CELA2A: variants seen among roughly 807,000 people sequenced by gnomAD.
CELA2A encodes chymotrypsin-like elastase family member 2A.
In CELA2A, 31 loss-of-function variants were observed where a neutral mutation model predicts 35.3. That is an observed-to-expected ratio of 0.88 (90% CI 0.66 to 1.19). The LOEUF is 1.19. Ranked by LOEUF, CELA2A falls within the 50% of genes most tolerant of loss-of-function variation. CELA2A has a pLI of 0.00. For missense variants in CELA2A, 330 were observed against 352.9 expected (o/e 0.94, Z 0.52); for synonymous variants, 150 against 149.8 (o/e 1.00, Z -0.01).
intron 2 of CELA2A, among the ~76,000 whole-genome samples, chr1:15,459,594 G>A (rs973179124): frequency 1.3e-5 from 2 of 152,122 alleles, no homozygotes; most frequent in African/African-American, 2.4e-5. Context: ...CCATAACACC[G>A]GGCGCATTTG....
In CELA2A at chr1:15,456,829, G is replaced by C. The variant is rs202158904; in HGVS notation, c.40+36G>C. The stretch of plus-strand genomic sequence containing the variant: ...TTACCCAGAGGCACTGGTTTCCCAT[G>C]CCCTGGTGGGGCTGGAAATGGGATC... On this transcript the variant is annotated intron_variant, in intron 1 of 7. Transcript: ENST00000359621. 240 of 1,613,716 alleles carry C rather than the reference G, an allele frequency of 1.5e-4. 1 individual carries two copies. In the African/African-American group the frequency reaches 2.2e-3, roughly 15 times the overall value.
chr1:15,463,821 C>T (rs1232698390), intron 5 of CELA2A, among the ~76,000 whole-genome samples: 4 of 151,958 alleles, frequency 2.6e-5, no homozygotes, highest in Non-Finnish European at 2.9e-5. Flanking sequence ...AGGCCCATCC[C>T]GCGGATCACT....
In CELA2A at chr1:15,461,477, C is replaced by A. The variant is rs1321350001; in HGVS notation, c.130-84C>A. On this transcript the variant is annotated intron_variant, in intron 2 of 7. Coordinates refer to ENST00000359621, the MANE Select transcript of CELA2A (RefSeq NM_033440.3). ...CTGCCTCACTCCCCCTTACCCTTGT[C>A]CCAGCCCCGTTCTTGGGAAACTGGA... 5 of 1,483,726 alleles carry A rather than the reference C, an allele frequency of 3.4e-6. No individual in the cohort carries two copies. In the East Asian group the frequency reaches 9.1e-5, roughly 27 times the overall value. The allele number at this position is 1,483,726 out of a possible 1,614,324, so 91.9% of individuals were successfully genotyped here.
intron 2 of CELA2A, among the ~76,000 whole-genome samples, chr1:15,459,955 A>C (rs1156664193): frequency 6.6e-6 from 1 of 152,086 alleles, no homozygotes; most frequent in Non-Finnish European, 1.5e-5. Flanking sequence ...CTCAAAAAAA[A>C]AAAAAAAATA....
chr1:15,458,908 TAAAAAAAAAAAAAAAAAAAAAAAAAAA>T (rs60002826), intron 2 of CELA2A, among the ~76,000 whole-genome samples: 118 of 40,198 alleles, frequency 2.9e-3, no homozygotes, highest in African/African-American at 0.014. Context: ...GTGAGATCCA[TAAAAAAAAAAAAAAAAAAAAAAAAAAA>T]AAAAAAAAAA....
chr1:15,461,279 C>T (rs1444302306), intron 2 of CELA2A, among the ~76,000 whole-genome samples: 1 of 152,204 alleles, frequency 6.6e-6, no homozygotes, highest in Non-Finnish European at 1.5e-5. Flanking sequence ...CCAGGCTGGT[C>T]TCAAACTCCT....
At chr1:15,470,067 G>C (rs1162556503) in intron 7 of CELA2A, among the ~76,000 whole-genome samples, 2 of 152,228 alleles carry the variant, frequency 1.3e-5, no homozygotes, top group Admixed American at 6.5e-5. Flanking sequence ...TCGCAAGGCA[G>C]CTGGGCAGAG....
intron 7 of CELA2A, among the ~76,000 whole-genome samples, chr1:15,470,897 C>T (rs1252469133): frequency 6.6e-6 from 1 of 152,058 alleles, no homozygotes; most frequent in Non-Finnish European, 1.5e-5. Flanking sequence ...TCATTGTTAA[C>T]AGCTTGTGTG....
chr1:15,466,041 T>C lies in CELA2A; in HGVS notation c.536T>C (p.Leu179Pro). Residue 179 changes from leucine to proline, a missense_variant, in exon 6 of 8, where the codon CTG (leucine) becomes CCG (proline). Physicochemically the swap from Leu to Pro is moderately conservative, Grantham distance 98. Coordinates refer to ENST00000359621, the MANE Select transcript of CELA2A (RefSeq NM_033440.3). ...VPDVLQQGRL[L>P]VVDYATCSSS... ...GATGTCCTGCAGCAGGGCCGGTTGC[T>C]GGTTGTGGACTATGCCACCTGCTCC... is the stretch of plus-strand genomic sequence containing the variant. 1 of 1,614,170 alleles carries C rather than the reference T, an allele frequency of 6.2e-7. No individual in the cohort carries two copies. The highest frequency in any genetic ancestry group is 8.5e-7 in the Non-Finnish European group (1 of 1,180,030).
chr1:15,469,878 G>C (rs950831237), intron 7 of CELA2A, among the ~76,000 whole-genome samples: 1 of 152,064 alleles, frequency 6.6e-6, no homozygotes, highest in Non-Finnish European at 1.5e-5. Flanking sequence ...GCTGCTGTGG[G>C]AGTCACCATG....
intron 6 of CELA2A, 109 bp downstream of exon 6, chr1:15,466,253 C>T (rs1406850524): frequency 1.5e-6 from 2 of 1,298,692 alleles, no homozygotes; most frequent in Non-Finnish European, 2.2e-6. Flanking sequence ...GGCAGAATTA[C>T]CCCGAAACAT....
intron 3 of CELA2A, 51 bp from the exon 4 acceptor site, chr1:15,462,682 C>A (rs763858920): frequency 6.2e-7 from 1 of 1,606,684 alleles, no homozygotes; most frequent in African/African-American, 1.3e-5. Flanking sequence ...CAGCATTATC[C>A]AAAGCCAGGC....
rs1570803184 is a variant in CELA2A at position 15,472,069 on chromosome 1, T to C, written c.*62T>C. On this transcript the variant is annotated 3_prime_UTR_variant, in exon 8 of 8. Transcript: ENST00000359621. ...AGGTCACAGAAGGAAAATAATATAA[T>C]AAAGTGACAACTATGCAAATCACAT... The C allele has an allele frequency of 1.5e-5, 24 of 1,599,788 alleles. No individual in the cohort carries two copies. In the South Asian group the frequency reaches 2.1e-4, roughly 14 times the overall value.
rs1158612964 is a variant in CELA2A, at chr1:15,466,424, TG to T, written c.639+282del. On this transcript the variant is annotated intron_variant, in intron 6 of 7. Transcript: ENST00000359621. ...TAAAACTAAAAAAATTAGCCGGGCATGGTGGCAGGCGCCTGTACTCACAGCT... is the reference window on the plus strand; with the variant it reads ...TAAAACTAAAAAAATTAGCCGGGCATGTGGCAGGCGCCTGTACTCACAGCT... Among the ~76,000 whole-genome samples, 8 of 152,082 alleles carry T rather than the reference TG, an allele frequency of 5.3e-5. No homozygotes were observed. In the South Asian group the frequency reaches 6.2e-4, roughly 12 times the overall value.
rs367846483 is a variant in CELA2A, at chr1:15,466,169, G to A, written c.639+25G>A. ...CGTGAGTACCAAAATCAGGGGCTCC[G>A]CTCCATGACAAAATGTGGCTGGGGA... On this transcript the variant is annotated intron_variant, in intron 6 of 7. Transcript: ENST00000359621. 228 of 1,610,270 alleles carry A rather than the reference G, an allele frequency of 1.4e-4. 3 individuals carry two copies. In the South Asian group the frequency reaches 1.9e-3, roughly 14 times the overall value.
intron 2 of CELA2A, among the ~76,000 whole-genome samples, chr1:15,460,186 G>A (rs1232935549): frequency 6.6e-6 from 1 of 152,028 alleles, no homozygotes. Flanking sequence ...AGCCCGGGGG[G>A]CGAATGAGGA....
At chr1:15,469,182 G>GA (rs796633691) in intron 7 of CELA2A, among the ~76,000 whole-genome samples, 60 of 150,496 alleles carry the variant, frequency 4.0e-4, no homozygotes, top group Non-Finnish European at 7.3e-4. Context: ...CATCTCAAAA[G>GA]AAAAAAAAAC....
intron 5 of CELA2A, 141 bp from the exon 6 acceptor site, chr1:15,465,858 G>T: frequency 1.0e-6 from 1 of 965,084 alleles, no homozygotes; most frequent in Non-Finnish European, 1.6e-6. Flanking sequence ...TCAACCGTGA[G>T]GACACAGTAT....
chr1:15,461,062 TG>T lies in CELA2A; in HGVS notation c.130-494del, dbSNP rs1158450372. Among the ~76,000 whole-genome samples, 49 of 152,060 alleles carry T rather than the reference TG, an allele frequency of 3.2e-4. 2 individuals are homozygous for T. Among genetic ancestry groups the T allele is most frequent in the Admixed American group, 1.3e-4 (2 of 15,252 alleles). ...AGCAGGGAGAAGTGCCGAGCAAAAG[TG>T]GGGGAAAGACCCTTATAAAACCATC... On this transcript the variant is annotated intron_variant, in intron 2 of 7. Coordinates refer to ENST00000359621, the MANE Select transcript of CELA2A (RefSeq NM_033440.3).
Sources: allele counts gnomAD v4.1 joint callset (sites outside exome capture counted in the v4.1 genomes callset), GRCh38; gene constraint gnomAD v4.1.1; transcripts MANE v1.5; gene names NCBI Gene and HGNC (gene_info 2026-07-23, HGNC 2026-07-21).